SYNPR: variants seen among roughly 807,000 people sequenced by gnomAD.
The protein encoded by SYNPR is synaptoporin.
SYNPR carries 23 observed loss-of-function variants against 32.9 expected under a neutral mutation model. That is an observed-to-expected ratio of 0.70 (90% CI 0.50 to 0.99). The LOEUF (loss-of-function observed/expected upper bound fraction) is 0.99. SYNPR is among the 50% of genes least tolerant of loss of function. The pLI, the probability that SYNPR is intolerant of heterozygous loss-of-function variation, is 0.00. For missense variants in SYNPR, 318 were observed against 349.3 expected (o/e 0.91, Z 0.71); for synonymous variants, 146 against 135.9 (o/e 1.07, Z -0.52).
At chr3:63,315,227 T>G (rs1251907529) in intron 2 of SYNPR, among the ~76,000 whole-genome samples, 1 of 152,116 alleles carries the variant, frequency 6.6e-6, no homozygotes, top group Non-Finnish European at 1.5e-5. Flanking sequence ...AGCTCTTTTT[T>G]GGTTCCATAT....
At chr3:63,406,863 T>G (rs1388136227) in intron 2 of SYNPR, among the ~76,000 whole-genome samples, 1 of 152,106 alleles carries the variant, frequency 6.6e-6, no homozygotes, top group Non-Finnish European at 1.5e-5. Flanking sequence ...AGAACATAAG[T>G]TCCAGTCTAA....
At chr3:63,361,194 C>G (rs892030842) in intron 2 of SYNPR, among the ~76,000 whole-genome samples, 3 of 152,036 alleles carry the variant, frequency 2.0e-5, no homozygotes, top group Non-Finnish European at 4.4e-5. Flanking sequence ...TTGATCAGGG[C>G]AAGGTAAGTT....
chr3:63,301,198 T>C (rs1228571501), intron 2 of SYNPR, among the ~76,000 whole-genome samples: 1 of 152,126 alleles, frequency 6.6e-6, no homozygotes, highest in Non-Finnish European at 1.5e-5. Flanking sequence ...TTTGTTTCAG[T>C]AGTATTACCG....
chr3:63,494,419 G>GTATATATATATATA (rs376392666), intron 3 of SYNPR, among the ~76,000 whole-genome samples: 1 of 91,238 alleles, frequency 1.1e-5, no homozygotes, highest in Non-Finnish European at 2.3e-5. Context: ...ATATATATAC[G>GTATATATATATATA]TATATATATA....
intron 4 of SYNPR, among the ~76,000 whole-genome samples, chr3:63,595,146 G>A (rs1699911302): frequency 6.6e-6 from 1 of 152,156 alleles, no homozygotes; most frequent in African/African-American, 2.4e-5. Context: ...TATTAGATGG[G>A]TGATAACCAT....
chr3:63,507,799 A>C (rs577864578), intron 3 of SYNPR, among the ~76,000 whole-genome samples: 1 of 152,096 alleles, frequency 6.6e-6, no homozygotes, highest in East Asian at 1.9e-4. Context: ...AAGTTAAAAA[A>C]TGATAGCAGA....
At chr3:63,363,672 G>C (rs971988677) in intron 2 of SYNPR, among the ~76,000 whole-genome samples, 1 of 152,090 alleles carries the variant, frequency 6.6e-6, no homozygotes, top group African/African-American at 2.4e-5. Flanking sequence ...TAATTACTTG[G>C]ATTAAATGAG....
At chr3:63,500,886 G>A (rs988187136) in intron 3 of SYNPR, among the ~76,000 whole-genome samples, 1 of 152,136 alleles carries the variant, frequency 6.6e-6, no homozygotes, top group African/African-American at 2.4e-5. Context: ...GTGTGGTATA[G>A]ACAAGGATTT....
At chr3:63,565,336 A>G (rs571844669) in intron 4 of SYNPR, among the ~76,000 whole-genome samples, 6 of 152,144 alleles carry the variant, frequency 3.9e-5, no homozygotes, top group Non-Finnish European at 8.8e-5. Context: ...ATCTTCTCAC[A>G]GTTCTGGAGG....
intron 2 of SYNPR, chr3:63,443,348 A>C: frequency 1.3e-6 from 2 of 1,534,128 alleles, no homozygotes; most frequent in South Asian, 2.5e-5. Context: ...AAGAGGGACA[A>C]GTGGCTGGTG....
chr3:63,550,743 A>C (rs552819953), intron 3 of SYNPR, among the ~76,000 whole-genome samples: 7 of 152,326 alleles, frequency 4.6e-5, no homozygotes, highest in African/African-American at 1.7e-4. Flanking sequence ...AAGCGCAGAT[A>C]ATTGCAACAG....
Position 63,481,765 on chromosome 3 carries a change from C to T in SYNPR, c.209+809C>T, listed in dbSNP as rs1434050062. Among the ~76,000 whole-genome samples, 3 of 152,078 alleles carry T rather than the reference C, an allele frequency of 2.0e-5. No individual in the cohort carries two copies. In the East Asian group the frequency reaches 5.8e-4, roughly 29 times the overall value. ...ATGACTTCTGAAAGCTCTGGACCAA[C>T]CCATTGGCTTCTGGAGGAGAGTGGC... On this transcript the variant is annotated intron_variant, in intron 3 of 5. Coordinates refer to ENST00000478300, the MANE Select transcript of SYNPR (RefSeq NM_001130003.2).
At chr3:63,388,560 G>GTGTC (rs1553875162) in intron 2 of SYNPR, among the ~76,000 whole-genome samples, 1 of 112,242 alleles carries the variant, frequency 8.9e-6, no homozygotes, top group Admixed American at 8.7e-5. Flanking sequence ...GCTAATTTGT[G>GTGTC]TGTGTGTGTG....
upstream of SYNPR, among the ~76,000 whole-genome samples, chr3:63,227,440 T>C (rs1187400398): frequency 6.6e-6 from 1 of 152,162 alleles, no homozygotes; most frequent in Non-Finnish European, 1.5e-5. Context: ...AGAGAGTATA[T>C]TACAGAAGAT....
chr3:63,302,083 T>C (rs528483158), intron 2 of SYNPR, among the ~76,000 whole-genome samples: 1 of 152,220 alleles, frequency 6.6e-6, no homozygotes, highest in Non-Finnish European at 1.5e-5. Flanking sequence ...CCATTCCTCA[T>C]CAGCATCTCG....
chr3:63,296,369 CT>C (rs1378466477), intron 2 of SYNPR, among the ~76,000 whole-genome samples: 2 of 152,198 alleles, frequency 1.3e-5, no homozygotes, highest in Non-Finnish European at 2.9e-5. Context: ...CAGTCTCCAG[CT>C]TGTTCCTTCC....
intron 3 of SYNPR, among the ~76,000 whole-genome samples, chr3:63,515,162 C>G (rs1176693208): frequency 1.3e-5 from 2 of 152,016 alleles, no homozygotes; most frequent in Non-Finnish European, 2.9e-5. Flanking sequence ...TTCTGCCCCC[C>G]CATCTTTTCA....
At chr3:63,529,917 G>C (rs962529490) in intron 3 of SYNPR, among the ~76,000 whole-genome samples, 1 of 152,082 alleles carries the variant, frequency 6.6e-6, no homozygotes, top group Non-Finnish European at 1.5e-5. Context: ...TTAGTGGTAG[G>C]GATGAGGGGA....
chr3:63,561,519 A>T (rs1702688889), intron 4 of SYNPR: 1 of 152,178 alleles, frequency 6.6e-6, no homozygotes. Context: ...TAGGTAAGAC[A>T]AATTGGTATT....
Sources: gnomAD v4.1 joint callset for allele counts (sites outside exome capture counted in the v4.1 genomes callset) on GRCh38, gnomAD v4.1.1 for gene constraint, MANE v1.5 for transcripts, NCBI Gene and HGNC (gene_info 2026-07-23, HGNC 2026-07-21) for gene names.